The following TAGLN3 variants were observed in gnomAD, a reference collection of about 807,000 sequenced individuals.
TAGLN3 encodes the protein transgelin 3.
A neutral mutation model predicts 25.4 loss-of-function variants in TAGLN3; 12 were observed. The ratio of observed to expected loss-of-function variants is 0.47; its 90% CI spans 0.30 to 0.77. TAGLN3 has a LOEUF of 0.77. TAGLN3 is among the 30% of genes least tolerant of loss of function. The pLI is 0.06. For synonymous variants in TAGLN3, 96 were observed against 94.8 expected (o/e 1.01, Z -0.08); for missense variants, 218 against 255.8 (o/e 0.85, Z 1.01).
At chr3:112,001,146 A>T (rs556122936) in intron 3 of TAGLN3, among the ~76,000 whole-genome samples, 200 bp downstream of exon 3, 1 of 152,300 alleles carries the variant, frequency 6.6e-6, no homozygotes, top group Admixed American at 6.5e-5. Flanking sequence ...TGGAACACAC[A>T]CCCTGAGGAC....
In TAGLN3 at chr3:112,012,618, T is replaced by TA. The variant is rs937002759; in HGVS notation, c.458+765dup. On this transcript the variant is annotated intron_variant, in intron 4 of 4. Transcript: ENST00000478951. ...CCCTTTTCTTCTCCTTGACAGTTATTAAAAAAAAAAAAGTTACCAGCTTAT... is the reference window on the plus strand; with the variant it reads ...CCCTTTTCTTCTCCTTGACAGTTATTAAAAAAAAAAAAAGTTACCAGCTTAT... Among the ~76,000 whole-genome samples, 726 of 145,364 alleles carry TA rather than the reference T, an allele frequency of 5.0e-3. 7 individuals carry two copies. Among genetic ancestry groups the TA allele is most frequent in the African/African-American group, 0.016 (647 of 39,770 alleles).
At chr3:112,006,054 T>C (rs115609228) in intron 3 of TAGLN3, among the ~76,000 whole-genome samples, 2,477 of 152,192 alleles carry the variant, frequency 0.016, 68 homozygotes, top group African/African-American at 0.056. Flanking sequence ...CCACCGCGCC[T>C]GGCCTGGAAG....
intron 3 of TAGLN3, among the ~76,000 whole-genome samples, chr3:112,004,406 AAGAG>A (rs1228804936): frequency 6.6e-6 from 1 of 150,930 alleles, no homozygotes; most frequent in Non-Finnish European, 1.5e-5. Context: ...GGGTGTGTGT[AAGAG>A]AGAGAGAGAA....
Position 112,000,867 on chromosome 3 carries a change from A to T in TAGLN3, c.276A>T (p.Gln92His). The change falls in exon 3 of 5, where the codon CAA (glutamine) becomes CAT (histidine). Residue 92 changes from glutamine (Q) to histidine (H), a missense_variant. By Grantham distance (24) the Gln-to-His change is conservative (BLOSUM62 0). Coordinates refer to ENST00000478951, the MANE Select transcript of TAGLN3 (RefSeq NM_001008272.2). ...AGATGGCTTTTAAGCAGATGGAGCA[A>T]ATCTCCCAGTTCCTAAAAGCTGCGG... is the stretch of plus-strand genomic sequence containing the variant. ...ESKMAFKQME[Q>H]ISQFLKAAET... 1 of 1,614,140 alleles carries T rather than the reference A, an allele frequency of 6.2e-7. No individual in the cohort carries two copies. The highest frequency in any genetic ancestry group is 1.1e-5 in the South Asian group (1 of 91,074).
chr3:112,008,546 A>C (rs2072942923), intron 3 of TAGLN3, among the ~76,000 whole-genome samples: 1 of 152,110 alleles, frequency 6.6e-6, no homozygotes, highest in African/African-American at 2.4e-5. Flanking sequence ...TTATGCACTT[A>C]AATTTTTGAC....
Position 111,999,114 on chromosome 3 carries a change from T to G in TAGLN3, c.-3T>G, listed in dbSNP as rs1419686659. 4 of 216,092 alleles carry G rather than the reference T, an allele frequency of 1.9e-5. No homozygotes were observed. The Admixed American group carries it at 2.2e-4, about 12-fold the overall frequency. 13.4% of individuals were successfully genotyped at this position (216,092 alleles called of 1,614,324 possible). A position where few individuals can be genotyped will look rare whatever the true frequency, so the allele number is the denominator to read the frequency against. On this transcript the variant is annotated splice_region_variant and 5_prime_UTR_variant, in exon 1 of 5. It adds an upstream start codon to the 5' untranslated region. Coordinates refer to ENST00000478951, the MANE Select transcript of TAGLN3 (RefSeq NM_001008272.2). ...TGCTGCCTGGGGGTTCAGACTTGAT[T>G]GTGAGTCCGTGTTATATCATCTGGT...
chr3:111,998,954 A>C lies in TAGLN3; in HGVS notation c.-163A>C, dbSNP rs550809182. 6.5e-6 allele frequency: 1 copy of C among 152,918 alleles called. No individual in the cohort carries two copies. Among genetic ancestry groups the C allele is most frequent in the Non-Finnish European group, 1.5e-5 (1 of 68,424 alleles). The allele number at this position is 152,918 out of a possible 1,614,324, so 9.5% of individuals were successfully genotyped here. A position where few individuals can be genotyped will look rare whatever the true frequency, so the allele number is the denominator to read the frequency against. Reference sequence around the variant, plus strand: ...TGTGCCATTCTTCCAGGCGCGAGGCAGCAGCGGCTGCAGTTCAACATGAAA... The same window carrying C: ...TGTGCCATTCTTCCAGGCGCGAGGCCGCAGCGGCTGCAGTTCAACATGAAA... On this transcript the variant is annotated 5_prime_UTR_variant, in exon 1 of 5. Coordinates refer to ENST00000478951, the MANE Select transcript of TAGLN3 (RefSeq NM_001008272.2).
intron 2 of TAGLN3, chr3:112,000,483 C>A (rs7639791): frequency 3.3e-6 from 1 of 303,870 alleles, no homozygotes. Flanking sequence ...CTGTAAACAT[C>A]CTTTCCCTCA....
chr3:112,008,111 C>T (rs936215632), intron 3 of TAGLN3, among the ~76,000 whole-genome samples: 2 of 152,048 alleles, frequency 1.3e-5, no homozygotes, highest in African/African-American at 4.8e-5. Context: ...AAATCATTCT[C>T]TCAGGAGAAT....
intron 3 of TAGLN3, among the ~76,000 whole-genome samples, chr3:112,008,046 G>A (rs1157383515): frequency 6.6e-6 from 1 of 152,132 alleles, no homozygotes; most frequent in African/African-American, 2.4e-5. Flanking sequence ...AAACTTGCCT[G>A]AAGATATGAA....
chr3:112,013,193 G>T (rs1328572296), intron 4 of TAGLN3, among the ~76,000 whole-genome samples: 1 of 152,110 alleles, frequency 6.6e-6, no homozygotes, highest in Non-Finnish European at 1.5e-5. Flanking sequence ...TCAGGCTAGG[G>T]CCAGAGATAG....
intron 3 of TAGLN3, among the ~76,000 whole-genome samples, chr3:112,005,302 C>T (rs974043559): frequency 5.9e-5 from 9 of 152,222 alleles, no homozygotes; most frequent in Non-Finnish European, 1.2e-4. Flanking sequence ...CACTATTAGT[C>T]ATTCAGCAAC....
At position 112,013,755 on chromosome 3, in the gene TAGLN3, G is replaced by A. The variant is rs753471854; in HGVS notation, c.*204G>A. ...TCATTTAGAACTATGCAAAGACTCC[G>A]CTTCCGTTTTCCTGAGCTCCTCGGG... On this transcript the variant is annotated 3_prime_UTR_variant, in exon 5 of 5. Coordinates refer to ENST00000478951, the MANE Select transcript of TAGLN3 (RefSeq NM_001008272.2). 4 of 711,926 alleles carry A rather than the reference G, an allele frequency of 5.6e-6. No individual in the cohort carries two copies. The highest frequency in any genetic ancestry group is 7.3e-6 in the Non-Finnish European group (3 of 408,438). 44.1% of individuals were successfully genotyped at this position (711,926 alleles called of 1,614,324 possible).
At chr3:112,013,312 AT>A in intron 4 of TAGLN3, 97 bp from the exon 5 acceptor site, 1 of 1,474,790 alleles carries the variant, frequency 6.8e-7, no homozygotes, top group Non-Finnish European at 9.1e-7. Context: ...CTGCTGATCT[AT>A]TTGGGGACCC....
chr3:112,013,333 C>G (rs1393391448), intron 4 of TAGLN3, 77 bp from the exon 5 acceptor site: 1 of 1,536,498 alleles, frequency 6.5e-7, no homozygotes, highest in Non-Finnish European at 8.8e-7. Context: ...CCCAGCAGAG[C>G]CTGTCTAATT....
rs199511414 is a variant in TAGLN3 at position 111,999,611 on chromosome 3, G to T, written c.180+9G>T. The T allele has an allele frequency of 6.2e-7, 1 of 1,610,364 alleles. No individual in the cohort carries two copies. Among genetic ancestry groups the T allele is most frequent in the Non-Finnish European group, 8.5e-7 (1 of 1,177,226 alleles). ...GGTTAATGGACGGGACGGTAAGGCCGGCAGCGATCTCGGTTGCTGGGGCGG... is the reference window on the plus strand; with the variant it reads ...GGTTAATGGACGGGACGGTAAGGCCTGCAGCGATCTCGGTTGCTGGGGCGG... On this transcript the variant is annotated intron_variant, in intron 2 of 4. Transcript: ENST00000478951.
At chr3:112,004,828 G>T (rs1559942604) in intron 3 of TAGLN3, among the ~76,000 whole-genome samples, 1 of 152,198 alleles carries the variant, frequency 6.6e-6, no homozygotes, top group Middle Eastern at 3.4e-3. Flanking sequence ...AATGGACTTA[G>T]TGGCCACATA....
At chr3:112,011,229 T>C (rs1460935130) in intron 3 of TAGLN3, among the ~76,000 whole-genome samples, 1 of 152,216 alleles carries the variant, frequency 6.6e-6, no homozygotes, top group South Asian at 2.1e-4. Context: ...TAATGGTCAC[T>C]GGGCTGCTTA....
At position 112,013,444 on chromosome 3, in the gene TAGLN3, G is replaced by A. The variant is rs1397312747; in HGVS notation, c.493G>A (p.Glu165Lys). Reference sequence around the variant, plus strand: ...GCAGAATCGGAGAGGCTTTTCCGAGGAGCAGCTTCGCCAGGGACAGAACGT... The same window carrying A: ...GCAGAATCGGAGAGGCTTTTCCGAGAAGCAGCTTCGCCAGGGACAGAACGT... ...AQQNRRGFSEEQLRQGQNVIG... is the reference protein window; with the variant it reads ...AQQNRRGFSEKQLRQGQNVIG... The change falls in exon 5 of 5, where the codon GAG becomes AAG. Residue 165 changes from glutamate to lysine, a missense_variant. Coordinates refer to ENST00000478951, the MANE Select transcript of TAGLN3 (RefSeq NM_001008272.2). 1 of 1,613,844 alleles carries A rather than the reference G, an allele frequency of 6.2e-7. No individual in the cohort carries two copies. Among genetic ancestry groups the A allele is most frequent in the Non-Finnish European group, 8.5e-7 (1 of 1,179,784 alleles).
Sources: gnomAD v4.1 joint callset for allele counts (sites outside exome capture counted in the v4.1 genomes callset) on GRCh38, gnomAD v4.1.1 for gene constraint, MANE v1.5 for transcripts, NCBI Gene and HGNC (gene_info 2026-07-23, HGNC 2026-07-21) for gene names.